Variants in CECR2 observed in about 807,000 individuals in gnomAD.
CECR2 encodes chromatin remodeling regulator CECR2.
Under a neutral mutation model 154.5 loss-of-function variants are expected in CECR2, and 30 were observed. The ratio of observed to expected loss-of-function variants is 0.19; its 90% confidence interval spans 0.15 to 0.26. The LOEUF is 0.26. CECR2 is among the 10% of genes least tolerant of loss of function. The pLI is 1.00. For synonymous variants in CECR2, 725 were observed against 683.7 expected (o/e 1.06, Z -0.94); for missense variants, 1,743 against 1,829.3 (o/e 0.95, Z 0.86).
chr22:17,493,264 G>A (rs539549503), intron 2 of CECR2, among the ~76,000 whole-genome samples: 37 of 152,244 alleles, frequency 2.4e-4, no homozygotes, highest in South Asian at 1.7e-3. Flanking sequence ...GAGCTACTGC[G>A]CCCGGCCTCT....
At chr22:17,543,919 GT>G (rs2147038147) in intron 16 of CECR2, among the ~76,000 whole-genome samples, 1 of 152,226 alleles carries the variant, frequency 6.6e-6, no homozygotes, top group South Asian at 2.1e-4. Context: ...TACTATCCTT[GT>G]TTTTACAGAT....
chr22:17,455,414 T>G (rs1448148194), intron 1 of CECR2, among the ~76,000 whole-genome samples: 1 of 152,212 alleles, frequency 6.6e-6, no homozygotes, highest in East Asian at 1.9e-4. Context: ...CAGCTCATCC[T>G]AGAACCTTGT....
chr22:17,508,667 G>A (rs1473453214), intron 7 of CECR2, among the ~76,000 whole-genome samples: 5 of 151,972 alleles, frequency 3.3e-5, no homozygotes. Flanking sequence ...TACCATCTAG[G>A]ACCCTCAGGC....
intron 1 of CECR2, among the ~76,000 whole-genome samples, chr22:17,447,033 C>CTGTTTTTCTTTTTTTTTTTT (rs1339121774): frequency 8.8e-6 from 1 of 114,110 alleles, no homozygotes; most frequent in African/African-American, 3.8e-5. Flanking sequence ...CGTTTACAAT[C>CTGTTTTTCTTTTTTTTTTTT]TTTTTTTTTT....
At chr22:17,437,400 A>C (rs2054522845) in intron 1 of CECR2, among the ~76,000 whole-genome samples, 1 of 152,114 alleles carries the variant, frequency 6.6e-6, no homozygotes. Context: ...AACTGCTGAG[A>C]GTTGCTGGAC....
chr22:17,455,682 C>T (rs868118323), intron 1 of CECR2, among the ~76,000 whole-genome samples: 3 of 152,226 alleles, frequency 2.0e-5, no homozygotes, highest in Admixed American at 6.5e-5. Context: ...GGCGCAATCT[C>T]GGCTCACTGC....
intron 9 of CECR2, chr22:17,524,913 C>T (rs532085829): frequency 1.8e-4 from 72 of 403,186 alleles, no homozygotes; most frequent in African/African-American, 1.2e-3. Context: ...ATGATCTTGC[C>T]GCCTCGGCCT....
intron 1 of CECR2, among the ~76,000 whole-genome samples, chr22:17,381,795 C>T (rs1354458287): frequency 2.6e-5 from 4 of 151,986 alleles, no homozygotes; most frequent in South Asian, 2.1e-4. Context: ...GCAGAGATGG[C>T]GAGTGAAACG....
At chr22:17,466,748 C>G (rs1370177643) in intron 1 of CECR2, among the ~76,000 whole-genome samples, 1 of 152,102 alleles carries the variant, frequency 6.6e-6, no homozygotes, top group Non-Finnish European at 1.5e-5. Context: ...GCGCGTGCCA[C>G]CATGCCTGGC....
intron 2 of CECR2, among the ~76,000 whole-genome samples, chr22:17,494,383 A>G (rs954512928): frequency 6.6e-6 from 1 of 151,922 alleles, no homozygotes; most frequent in Admixed American, 6.6e-5. Flanking sequence ...CACCGTTACG[A>G]CACTGTCTGC....
chr22:17,504,565 T>A (rs1182622901), intron 6 of CECR2, among the ~76,000 whole-genome samples: 1 of 151,500 alleles, frequency 6.6e-6, no homozygotes, highest in Non-Finnish European at 1.5e-5. Flanking sequence ...GCCTCCCGAG[T>A]AGCTAGGATC....
intron 2 of CECR2, among the ~76,000 whole-genome samples, chr22:17,495,711 A>C (rs2055612900): frequency 6.6e-6 from 1 of 151,682 alleles, no homozygotes; most frequent in South Asian, 2.1e-4. Flanking sequence ...AAATACAAAA[A>C]ATTAGCTGGG....
chr22:17,509,103 T>C (rs2055896167), intron 7 of CECR2, among the ~76,000 whole-genome samples: 2 of 151,942 alleles, frequency 1.3e-5, no homozygotes, highest in African/African-American at 4.8e-5. Flanking sequence ...ATGCACAAAT[T>C]AGTCAGGCAT....
At chr22:17,363,195 G>A (rs1160389528) in intron 1 of CECR2, among the ~76,000 whole-genome samples, 3 of 150,822 alleles carry the variant, frequency 2.0e-5, no homozygotes, top group Admixed American at 6.6e-5. Context: ...GACTACAGGC[G>A]CACCCTACCA....
chr22:17,520,381 C>T (rs1182840068), intron 8 of CECR2, among the ~76,000 whole-genome samples: 3 of 152,034 alleles, frequency 2.0e-5, no homozygotes, highest in South Asian at 4.2e-4. Context: ...GAAATCTTCC[C>T]TTTGACAAGG....
intron 17 of CECR2, among the ~76,000 whole-genome samples, chr22:17,551,419 G>C (rs187171849): frequency 6.6e-6 from 1 of 152,198 alleles, no homozygotes; most frequent in Admixed American, 6.5e-5. Context: ...ATTTATAGCA[G>C]TTGTCATATC....
intron 1 of CECR2, among the ~76,000 whole-genome samples, chr22:17,449,549 G>A (rs887197034): frequency 2.1e-5 from 3 of 139,570 alleles, no homozygotes; most frequent in African/African-American, 5.5e-5. Flanking sequence ...GAGTGCAGTG[G>A]CATGATGTTG....
Position 17,542,300 on chromosome 22 carries a change from G to A in CECR2, c.2157G>A (p.Gln719=), listed in dbSNP as rs1288689853. 5 of 1,611,988 alleles carry A rather than the reference G, an allele frequency of 3.1e-6. No homozygotes were observed. In the Middle Eastern group the frequency reaches 4.9e-4, roughly 159 times the overall value. The part of the protein sequence containing the change: ...LQLGQISGPS[Q]DGSMYAPAQF... ...TTGGGCAGATAAGTGGCCCAAGTCAGGATGGAAGCATGTATGCTCCAGCTC... is the reference window on the plus strand; with the variant it reads ...TTGGGCAGATAAGTGGCCCAAGTCAAGATGGAAGCATGTATGCTCCAGCTC... Residue 719 remains glutamine, a synonymous_variant, in exon 16 of 19, where the codon CAG becomes CAA. Coordinates refer to ENST00000262608, the MANE Select transcript of CECR2 (RefSeq NM_001290047.2).
intron 2 of CECR2, among the ~76,000 whole-genome samples, chr22:17,494,882 A>G (rs969151800): frequency 4.7e-4 from 72 of 151,674 alleles, no homozygotes; most frequent in Admixed American, 1.8e-3. Flanking sequence ...TATAGTAGAG[A>G]TGGGATTTCA....
Sources: allele counts gnomAD v4.1 joint callset (sites outside exome capture counted in the v4.1 genomes callset), GRCh38; gene constraint gnomAD v4.1.1; transcripts MANE v1.5; gene names NCBI Gene and HGNC (gene_info 2026-07-23, HGNC 2026-07-21).